The following NDUFA10 variants were observed in gnomAD, a reference collection of about 807,000 sequenced individuals.
NDUFA10 encodes NADH dehydrogenase [ubiquinone] 1 alpha subcomplex subunit 10, mitochondrial.
Under a neutral mutation model 47.8 loss-of-function variants are expected in NDUFA10, and 40 were observed. That is an observed-to-expected ratio of 0.84 (90% CI 0.65 to 1.09). The LOEUF (loss-of-function observed/expected upper bound fraction) is 1.09, where lower values mean the gene tolerates loss of function less well. Ranked by LOEUF, NDUFA10 falls within the 50% of genes least tolerant of loss-of-function variation. The pLI is 0.00. For synonymous variants in NDUFA10, 183 were observed against 172.2 expected (o/e 1.06, Z -0.49); for missense variants, 413 against 451.1 (o/e 0.92, Z 0.76).
At position 240,021,493 on chromosome 2, in the gene NDUFA10, A is replaced by T. The variant is rs920066696; in HGVS notation, c.245-81T>A. ...GAGCAGTGGGGACTAGCCAAAACAC[A>T]CAGCCCGCCCGAATCTCACCGCCAG... is the stretch of plus-strand genomic sequence containing the variant. On this transcript the variant is annotated intron_variant, in intron 2 of 9. Coordinates refer to ENST00000252711, the MANE Select transcript of NDUFA10 (RefSeq NM_004544.4). The T allele has an allele frequency of 3.2e-4, 412 of 1,272,650 alleles. 2 individuals are homozygous for T. The highest frequency in any genetic ancestry group is 1.2e-4 in the South Asian group (10 of 81,084). The allele number at this position is 1,272,650 out of a possible 1,614,324, so 78.8% of individuals were successfully genotyped here. A position where few individuals can be genotyped will look rare whatever the true frequency, so the allele number is the denominator to read the frequency against.
chr2:239,969,869 AGGCC>A, intron 9 of NDUFA10: 1 of 438,166 alleles, frequency 2.3e-6, no homozygotes, highest in African/African-American at 2.0e-5. Flanking sequence ...AGAAAGAAAA[AGGCC>A]AAAAACAAAT....
intron 6 of NDUFA10, 72 bp from the exon 7 acceptor site, chr2:240,007,442 T>C (rs1339250287): frequency 9.4e-7 from 1 of 1,061,560 alleles, no homozygotes; most frequent in Non-Finnish European, 1.5e-6. Flanking sequence ...AATGAATACA[T>C]ACCGCTAAAG....
chr2:239,981,369 C>T (rs1030837158), intron 9 of NDUFA10, among the ~76,000 whole-genome samples: 1 of 152,068 alleles, frequency 6.6e-6, no homozygotes, highest in African/African-American at 2.4e-5. Context: ...GATCAGACAG[C>T]GTCCAGAGCA....
chr2:240,021,502 C>A (rs1697622514), intron 2 of NDUFA10, 90 bp from the exon 3 acceptor site: 9 of 1,122,418 alleles, frequency 8.0e-6, no homozygotes, highest in Non-Finnish European at 1.2e-5. Flanking sequence ...CACAGCCCGC[C>A]CGAATCTCAC....
intron 8 of NDUFA10, among the ~76,000 whole-genome samples, chr2:239,999,700 T>C (rs1235863459): frequency 2.0e-5 from 3 of 152,246 alleles, no homozygotes; most frequent in Non-Finnish European, 4.4e-5. Context: ...AAATGTGCCA[T>C]CTGTTTCCTA....
At chr2:240,002,509 T>A (rs1696768064) in intron 8 of NDUFA10, among the ~76,000 whole-genome samples, 4 of 152,128 alleles carry the variant, frequency 2.6e-5, no homozygotes, top group African/African-American at 9.7e-5. Flanking sequence ...GAATATAATA[T>A]ATGAAATTTA....
chr2:240,006,206 A>G (rs1312522270), intron 7 of NDUFA10, among the ~76,000 whole-genome samples: 2 of 152,258 alleles, frequency 1.3e-5, no homozygotes, highest in Non-Finnish European at 2.9e-5. Flanking sequence ...TCTAAGATAC[A>G]TGCCACCTAA....
At chr2:240,014,266 T>C (rs536284236) in intron 5 of NDUFA10, 1 of 240,872 alleles carries the variant, frequency 4.2e-6, no homozygotes, top group East Asian at 1.0e-4. Flanking sequence ...TGTGTGGATA[T>C]CACTGCTCTA....
chr2:239,960,183 A>T lies in NDUFA10; in HGVS notation c.*935T>A. ...CAACTGGCAGCCTGATTCCTAATGG[A>T]CACAGTGGAGCTTTACAGTGGAAAA... On this transcript the variant is annotated 3_prime_UTR_variant, in exon 10 of 10. Coordinates refer to ENST00000252711, the MANE Select transcript of NDUFA10 (RefSeq NM_004544.4). 1.0e-6 allele frequency: 1 copy of T among 985,378 alleles called. No homozygotes were observed. The highest frequency in any genetic ancestry group is 1.2e-6 in the Non-Finnish European group (1 of 829,924). The allele number at this position is 985,378 out of a possible 1,614,324, so 61.0% of individuals were successfully genotyped here.
intron 4 of NDUFA10, among the ~76,000 whole-genome samples, chr2:239,930,457 C>G (rs186299467): frequency 3.3e-5 from 5 of 151,664 alleles, no homozygotes; most frequent in African/African-American, 1.2e-4. Context: ...GCCACTTCGC[C>G]GAGAGAAATG....
chr2:240,002,516 T>A (rs1429481329), intron 8 of NDUFA10, among the ~76,000 whole-genome samples: 1 of 152,056 alleles, frequency 6.6e-6, no homozygotes, highest in South Asian at 2.1e-4. Context: ...ATATATGAAA[T>A]TTATATTTGT....
intron 9 of NDUFA10, among the ~76,000 whole-genome samples, chr2:239,966,727 A>C (rs781316923): frequency 2.0e-5 from 3 of 151,648 alleles, no homozygotes; most frequent in Non-Finnish European, 2.9e-5. Flanking sequence ...CCTCTCCCCC[A>C]CCAACCGGAA....
intron 4 of NDUFA10, among the ~76,000 whole-genome samples, chr2:239,951,592 G>A (rs548233381): frequency 1.3e-5 from 2 of 152,348 alleles, no homozygotes; most frequent in East Asian, 3.9e-4. Flanking sequence ...ACACTGAGAA[G>A]CAGCTATGAT....
rs1314058965 is a variant in NDUFA10, at chr2:239,959,453, G to T, written c.*1665C>A. ...TTCCTCCCCTCCACAATGGGTTTGT[G>T]AAGTGCTCAGAGCAAAAGACACTCT... is the stretch of plus-strand genomic sequence containing the variant. On this transcript the variant is annotated 3_prime_UTR_variant, in exon 10 of 10. Transcript: ENST00000252711. 8 of 985,388 alleles carry T rather than the reference G, an allele frequency of 8.1e-6. No individual in the cohort carries two copies. Among genetic ancestry groups the T allele is most frequent in the Non-Finnish European group, 9.6e-6 (8 of 829,964 alleles). The allele number at this position is 985,388 out of a possible 1,614,324, so 61.0% of individuals were successfully genotyped here. A position where few individuals can be genotyped will look rare whatever the true frequency, so the allele number is the denominator to read the frequency against.
chr2:239,929,620 G>C (rs1166075100), intron 4 of NDUFA10, among the ~76,000 whole-genome samples: 1 of 151,808 alleles, frequency 6.6e-6, no homozygotes, highest in Non-Finnish European at 1.5e-5. Flanking sequence ...CACCAGCCCT[G>C]CTCCTCCACT....
rs77676249 is a variant in NDUFA10, at chr2:239,906,813, T to G, written c.295-11499A>C. Among the ~76,000 whole-genome samples the G allele has an allele frequency of 5.0e-4, 76 of 152,298 alleles. No homozygotes were observed. Among genetic ancestry groups the G allele is most frequent in the African/African-American group, 1.8e-3 (73 of 41,556 alleles). On this transcript the variant is annotated intron_variant, in intron 4 of 5. Coordinates refer to the NDUFA10 transcript ENST00000419408. This position sits in a 1 kb window ranked among gnomAD's most constrained non-coding sequence, Gnocchi z 4.3. ...GCTCATGGACAGGAAGAATCAATAT[T>G]GTGAAAATGGCCATACTGCACAAGG...
At chr2:239,956,011 A>G (rs1418534236), downstream of NDUFA10, among the ~76,000 whole-genome samples, 2 of 152,158 alleles carry the variant, frequency 1.3e-5, no homozygotes, top group African/African-American at 2.4e-5. Context: ...GGAAAGGGAC[A>G]GGAAAGGGGG....
rs1359613429 is a variant in NDUFA10, at chr2:239,906,643, G to T, written c.295-11329C>A. Among the ~76,000 whole-genome samples the T allele has an allele frequency of 6.6e-6, 1 of 152,180 alleles. No individual in the cohort carries two copies. Among genetic ancestry groups the T allele is most frequent in the East Asian group, 1.9e-4 (1 of 5,182 alleles). On this transcript the variant is annotated intron_variant, in intron 4 of 5. Coordinates refer to the NDUFA10 transcript ENST00000419408. The surrounding 1 kb of genome is among the most constrained non-coding windows in gnomAD (Gnocchi z 4.3). ...AACCAGCGTGCCCCCGGGAATGCTG[G>T]TCCAGACGCTTTGCCCTGCACCCAA... is the stretch of plus-strand genomic sequence containing the variant.
intron 4 of NDUFA10, among the ~76,000 whole-genome samples, chr2:239,929,378 G>C (rs770742286): frequency 6.6e-6 from 1 of 152,188 alleles, no homozygotes; most frequent in Non-Finnish European, 1.5e-5. Context: ...CATTTCTCTT[G>C]TGGTCTCAGG....
Sources: gnomAD v4.1 joint callset for allele counts (sites outside exome capture counted in the v4.1 genomes callset) on GRCh38, gnomAD v4.1.1 for gene constraint, Gnocchi (gnomAD v3.1) non-coding constraint, MANE v1.5 for transcripts, NCBI Gene and HGNC (gene_info 2026-07-23, HGNC 2026-07-21) for gene names.